The following ZFHX3 variants were observed in gnomAD, a reference collection of about 807,000 sequenced individuals.
ZFHX3 encodes zinc finger homeobox protein 3.
Under a neutral mutation model 279.1 loss-of-function variants are expected in ZFHX3, and 42 were observed. That is an observed-to-expected ratio of 0.15 (90% confidence interval 0.12 to 0.19). ZFHX3 has a LOEUF of 0.19. Among genes scored for constraint, ZFHX3 ranks in the 10% least tolerant of loss-of-function variants. The probability of loss-of-function intolerance (pLI) is 1.00; values close to 1 mark genes in which losing one functional copy is unlikely to be tolerated. For synonymous variants in ZFHX3, 2,293 were observed against 1,957.8 expected (o/e 1.17, Z -4.52); for missense variants, 4,981 against 4,754.0 (o/e 1.05, Z -1.40).
At chr16:73,025,172 A>G (rs1394317745) in intron 1 of ZFHX3, among the ~76,000 whole-genome samples, 7 of 152,182 alleles carry the variant, frequency 4.6e-5, no homozygotes, top group Non-Finnish European at 1.0e-4. Context: ...TGGGAGGAGA[A>G]GAAAATGTCA....
chr16:73,751,349 G>T (rs191370160), intron 1 of ZFHX3, among the ~76,000 whole-genome samples: 112 of 152,270 alleles, frequency 7.4e-4, no homozygotes, highest in African/African-American at 2.4e-3. Flanking sequence ...AGGGAGCCAT[G>T]AGTAGAAAAA....
intron 1 of ZFHX3, among the ~76,000 whole-genome samples, chr16:73,055,333 C>G (rs1391140145): frequency 6.6e-6 from 1 of 151,954 alleles, no homozygotes; most frequent in Non-Finnish European, 1.5e-5. Context: ...TATGTCTATG[C>G]AGGCATAGGC....
intron 7 of ZFHX3, among the ~76,000 whole-genome samples, chr16:73,105,929 A>ACCCCCCCCCCCCCCCCCC (rs34679627): frequency 9.9e-5 from 11 of 110,842 alleles, no homozygotes; most frequent in African/African-American, 1.4e-4. Flanking sequence ...ATGTACACGG[A>ACCCCCCCCCCCCCCCCCC]CCCCCTCCCC....
chr16:73,554,240 T>C (rs571187978), intron 2 of ZFHX3: 3 of 152,294 alleles, frequency 2.0e-5, no homozygotes, highest in East Asian at 3.9e-4. Flanking sequence ...AATAAAAAGA[T>C]AGAACGATTT....
At chr16:72,961,557 C>A (rs1446192058) in intron 1 of ZFHX3, among the ~76,000 whole-genome samples, 2 of 152,192 alleles carry the variant, frequency 1.3e-5, no homozygotes, top group Non-Finnish European at 2.9e-5. Flanking sequence ...CCATCTCATT[C>A]ACACTCAGCC....
intron 3 of ZFHX3, among the ~76,000 whole-genome samples, chr16:73,327,271 G>T (rs1319958681): frequency 6.6e-6 from 1 of 152,164 alleles, no homozygotes; most frequent in Non-Finnish European, 1.5e-5. Context: ...TTTTAACTAT[G>T]CTGGCTTCTA....
chr16:73,252,310 A>G (rs1487653140), intron 5 of ZFHX3, among the ~76,000 whole-genome samples: 1 of 152,206 alleles, frequency 6.6e-6, no homozygotes, highest in African/African-American at 2.4e-5. Context: ...AGGGGCCTAC[A>G]GGAATGTGCA....
intron 1 of ZFHX3, among the ~76,000 whole-genome samples, chr16:73,783,259 T>C (rs1477838390): frequency 6.6e-6 from 1 of 152,208 alleles, no homozygotes; most frequent in East Asian, 1.9e-4. Flanking sequence ...CAAATCTGTA[T>C]GGCCAACCCA....
intron 1 of ZFHX3, among the ~76,000 whole-genome samples, chr16:73,844,364 A>T (rs1458434011): frequency 1.3e-5 from 2 of 152,166 alleles, no homozygotes; most frequent in Non-Finnish European, 2.9e-5. Flanking sequence ...AAAAGTCCCA[A>T]ATAAGAAAGC....
At chr16:73,239,761 G>C (rs1331643795) in intron 5 of ZFHX3, among the ~76,000 whole-genome samples, 1 of 152,190 alleles carries the variant, frequency 6.6e-6, no homozygotes, top group Non-Finnish European at 1.5e-5. Context: ...AGTAGTACCA[G>C]ACCTCCCTGG....
At chr16:73,063,613 C>T (rs575188951), upstream of ZFHX3, among the ~76,000 whole-genome samples, 1 of 152,078 alleles carries the variant, frequency 6.6e-6, no homozygotes, top group African/African-American at 2.4e-5. Context: ...AATCACCCCC[C>T]CTCCCCGTTT....
At chr16:72,985,413 G>A (rs1050073797) in intron 1 of ZFHX3, among the ~76,000 whole-genome samples, 3 of 152,224 alleles carry the variant, frequency 2.0e-5, no homozygotes, top group Non-Finnish European at 2.9e-5. Flanking sequence ...CAAAACAAAT[G>A]TGAGGGGAGT....
intron 1 of ZFHX3, chr16:73,813,694 A>C (rs1960485802): frequency 6.6e-6 from 1 of 152,316 alleles, no homozygotes; most frequent in South Asian, 2.1e-4. Flanking sequence ...TCTTGCACCA[A>C]GCCGGAAATC....
chr16:73,218,296 T>C (rs1308588424), intron 5 of ZFHX3, among the ~76,000 whole-genome samples: 1 of 152,206 alleles, frequency 6.6e-6, no homozygotes, highest in East Asian at 1.9e-4. Context: ...AAAGAAATTG[T>C]AGTCTTAAAA....
At chr16:73,578,088 C>T (rs373033167) in intron 2 of ZFHX3, among the ~76,000 whole-genome samples, 5 of 152,306 alleles carry the variant, frequency 3.3e-5, no homozygotes, top group South Asian at 4.1e-4. Context: ...CCCAGCATTT[C>T]GCAAATATAA....
At chr16:73,132,541 G>A (rs934972256) in intron 6 of ZFHX3, among the ~76,000 whole-genome samples, 3 of 152,136 alleles carry the variant, frequency 2.0e-5, no homozygotes, top group East Asian at 1.9e-4. Flanking sequence ...GCTGGGGACT[G>A]GATGATGTCC....
At chr16:73,058,956 A>C in exon 1 of ZFHX3, 1 of 162,374 alleles carries the variant, frequency 6.2e-6, no homozygotes, top group Non-Finnish European at 1.3e-5. Flanking sequence ...GAGGAGGAGG[A>C]GGAGGCGGCG....
At position 72,797,593 on chromosome 16, in the gene ZFHX3, T is replaced by C. The variant is rs748456292; in HGVS notation, c.5089A>G (p.Ile1697Val). 43 of 1,614,040 alleles carry C rather than the reference T, an allele frequency of 2.7e-5. No individual in the cohort carries two copies. Among genetic ancestry groups the C allele is most frequent in the African/African-American group, 1.7e-4 (13 of 74,924 alleles). The change falls in exon 9 of 10, where the codon ATT becomes GTT. Residue 1697 changes from isoleucine to valine, a missense_variant. Ile to Val is a conservative substitution (Grantham distance 29, BLOSUM62 3). Transcript: ENST00000268489. ...GAAGGGGAAGCAATGTTGGCACCAATAGGATTCCCCAGGGGTGGCATCCCT... is the reference window on the plus strand; with the variant it reads ...GAAGGGGAAGCAATGTTGGCACCAACAGGATTCCCCAGGGGTGGCATCCCT... ...SVGMPPLGNPIGANIASPSEP... is the reference protein window; with the variant it reads ...SVGMPPLGNPVGANIASPSEP...
At chr16:73,344,578 G>A (rs1432340025) in intron 3 of ZFHX3, among the ~76,000 whole-genome samples, 2 of 152,146 alleles carry the variant, frequency 1.3e-5, no homozygotes, top group Non-Finnish European at 2.9e-5. Context: ...CTGTGATTAG[G>A]TAAAACAATG....
Sources: gnomAD v4.1 joint callset for allele counts (sites outside exome capture counted in the v4.1 genomes callset) on GRCh38, gnomAD v4.1.1 for gene constraint, MANE v1.5 for transcripts, NCBI Gene and HGNC (gene_info 2026-07-23, HGNC 2026-07-21) for gene names.